Variants in GLT1D1 observed in about 807,000 individuals in gnomAD.
The protein encoded by GLT1D1 is glycosyltransferase 1 domain containing 1.
In GLT1D1, 21 loss-of-function variants were observed where a neutral mutation model predicts 28.7. The observed-to-expected ratio is 0.73, with a 90% CI of 0.52 to 1.05. GLT1D1 has a LOEUF of 1.05. Ranked by LOEUF, GLT1D1 falls within the 50% of genes least tolerant of loss-of-function variation. The probability of loss-of-function intolerance (pLI) is 0.00; values close to 1 mark genes in which losing one functional copy is unlikely to be tolerated. For missense variants in GLT1D1, 343 were observed against 330.6 expected, an observed-to-expected ratio of 1.04 and a Z score of -0.29; for synonymous variants, 147 against 124.8, an observed-to-expected ratio of 1.18 and a Z score of -1.19.
chr12:128,945,296 C>A (rs749610147), intron 4 of GLT1D1, 30 bp from the exon 9 acceptor site: 1 of 1,612,992 alleles, frequency 6.2e-7, no homozygotes, highest in Non-Finnish European at 8.5e-7. Flanking sequence ...CAGGCGGCGA[C>A]CGCTGACATT....
At chr12:128,886,870 C>T (rs190503251) in intron 2 of GLT1D1, among the ~76,000 whole-genome samples, 7 of 152,194 alleles carry the variant, frequency 4.6e-5, no homozygotes, top group Admixed American at 4.6e-4. Flanking sequence ...CTCCCAAAGC[C>T]TAAACCCCTG....
intron 7 of GLT1D1, among the ~76,000 whole-genome samples, chr12:128,961,760 T>C (rs770952904): frequency 6.6e-6 from 1 of 152,104 alleles, no homozygotes; most frequent in African/African-American, 2.4e-5. Flanking sequence ...CAAATGCTAA[T>C]CTCTTCCAGA....
At chr12:128,920,524 A>G (rs1309672791) in intron 4 of GLT1D1, among the ~76,000 whole-genome samples, 1 of 152,236 alleles carries the variant, frequency 6.6e-6, no homozygotes, top group East Asian at 1.9e-4. Flanking sequence ...ATTGCACTCC[A>G]GCCTGGACAA....
chr12:128,854,394 C>CGTGT (rs56655033), intron 1 of GLT1D1, among the ~76,000 whole-genome samples: 5,631 of 143,874 alleles, frequency 0.039, 137 homozygotes, highest in East Asian at 0.074. Flanking sequence ...TAACAGAAGC[C>CGTGT]GTGTGTGTGT....
At chr12:128,958,250 C>G (rs146105525) in intron 7 of GLT1D1, among the ~76,000 whole-genome samples, 1 of 152,158 alleles carries the variant, frequency 6.6e-6, no homozygotes, top group East Asian at 1.9e-4. Flanking sequence ...CTGCATCCGA[C>G]GCCCTGAGTG....
At chr12:128,858,040 G>T (rs1411179154) in intron 1 of GLT1D1, among the ~76,000 whole-genome samples, 1 of 152,130 alleles carries the variant, frequency 6.6e-6, no homozygotes. Flanking sequence ...TTCATAATGA[G>T]GATGCCAATA....
In GLT1D1 at chr12:128,883,589, CAAAAAAA is replaced by C. The variant is rs202021879; in HGVS notation, c.218-5036_218-5030del. ...TGGGCGACAGAGCTAGACTCCATCT[CAAAAAAA>C]AAAAAAAAAAAAAGTAGAAGAAGCC... On this transcript the variant is annotated intron_variant, in intron 2 of 7. Transcript: ENST00000281703. Among the ~76,000 whole-genome samples the C allele has an allele frequency of 2.1e-3, 161 of 78,002 alleles. 2 individuals carry two copies. In the East Asian group the frequency reaches 0.059, roughly 28 times the overall value. The allele number at this position is 78,002 out of a possible 152,430, so 51.2% of individuals were successfully genotyped here.
chr12:128,968,028 G>A lies in GLT1D1; in HGVS notation c.639+10385G>A, dbSNP rs541469869. 1.1e-3 allele frequency among the ~76,000 whole-genome samples: 160 copies of A among 152,158 alleles called. 1 individual carries two copies. Among genetic ancestry groups the A allele is most frequent in the African/African-American group, 3.5e-3 (146 of 41,544 alleles). Reference sequence around the variant, plus strand: ...TTTGTTTTTTTTGAGACAGAGTCTCGCTCTGTCGCCCAGGCTGGAGTGCAG... The same window carrying A: ...TTTGTTTTTTTTGAGACAGAGTCTCACTCTGTCGCCCAGGCTGGAGTGCAG... On this transcript the variant is annotated intron_variant, in intron 7 of 7. Coordinates refer to ENST00000281703, the MANE Select transcript of GLT1D1 (RefSeq NM_144669.3).
intron 4 of GLT1D1, among the ~76,000 whole-genome samples, chr12:128,931,787 CCT>C (rs1347988623): frequency 1.3e-5 from 2 of 152,158 alleles, no homozygotes; most frequent in African/African-American, 2.4e-5. Flanking sequence ...CCAGAGGCCT[CCT>C]CTTTTTATTT....
At chr12:128,936,849 A>C (rs1023234153) in intron 4 of GLT1D1, among the ~76,000 whole-genome samples, 1 of 152,174 alleles carries the variant, frequency 6.6e-6, no homozygotes, top group Non-Finnish European at 1.5e-5. Flanking sequence ...ATTTCATGAC[A>C]TGTGCTTTCA....
intron 1 of GLT1D1, among the ~76,000 whole-genome samples, chr12:128,861,681 G>A (rs1028372319): frequency 6.6e-6 from 1 of 152,144 alleles, no homozygotes; most frequent in Non-Finnish European, 1.5e-5. Flanking sequence ...TGTGTTTGTC[G>A]GAATGGGAAG....
chr12:128,932,787 G>A (rs557741762), intron 4 of GLT1D1, among the ~76,000 whole-genome samples: 37 of 151,848 alleles, frequency 2.4e-4, no homozygotes, highest in African/African-American at 8.7e-4. Context: ...CACGACCCTG[G>A]TTTAAGATCC....
chr12:128,952,544 C>T (rs7956004), intron 6 of GLT1D1, among the ~76,000 whole-genome samples: 1,979 of 151,244 alleles, frequency 0.013, 39 homozygotes, highest in African/African-American at 0.045. Flanking sequence ...TCGGCTCACC[C>T]CAACCTCCAC....
At chr12:128,906,470 A>G (rs1870880955) in intron 4 of GLT1D1, among the ~76,000 whole-genome samples, 1 of 152,232 alleles carries the variant, frequency 6.6e-6, no homozygotes, top group Non-Finnish European at 1.5e-5. Context: ...ATATGTCTCC[A>G]TTGGGCTCAA....
chr12:128,895,527 A>C (rs1869529441), intron 3 of GLT1D1, among the ~76,000 whole-genome samples: 1 of 148,480 alleles, frequency 6.7e-6, no homozygotes, highest in African/African-American at 2.5e-5. Flanking sequence ...CACAATCTTG[A>C]CTCATCGCAA....
At chr12:128,930,867 C>T (rs1191742897) in intron 4 of GLT1D1, among the ~76,000 whole-genome samples, 2 of 152,154 alleles carry the variant, frequency 1.3e-5, no homozygotes, top group African/African-American at 2.4e-5. Context: ...GAGCAGGTGC[C>T]ATTTGTTTCT....
chr12:128,941,513 C>T (rs1011108257), intron 4 of GLT1D1, among the ~76,000 whole-genome samples: 2 of 151,916 alleles, frequency 1.3e-5, no homozygotes, highest in Non-Finnish European at 2.9e-5. Flanking sequence ...GGCTCCTAAC[C>T]AGAGTCTATA....
rs556033495 is a variant in GLT1D1 at position 128,950,971 on chromosome 12, C to T, written c.540+3513C>T. On this transcript the variant is annotated intron_variant, in intron 6 of 7. Transcript: ENST00000281703. The stretch of plus-strand genomic sequence containing the variant: ...AAAAGATCTGTATTGCACGTCATGG[C>T]GACTACAGTTAATAACGATATCCTT... Among the ~76,000 whole-genome samples, 82 of 152,228 alleles carry T rather than the reference C, an allele frequency of 5.4e-4. 1 individual carries two copies. Among genetic ancestry groups the T allele is most frequent in the Admixed American group, 3.5e-3 (54 of 15,286 alleles).
At chr12:128,875,812 CAACAACAACCA>C in intron 1 of GLT1D1, 91 bp from the exon 2 acceptor site, 1 of 1,131,464 alleles carries the variant, frequency 8.8e-7, no homozygotes, top group Non-Finnish European at 1.3e-6. Flanking sequence ...ACAACAACAA[CAACAACAACCA>C]AAAAAAAAAA....
Sources: allele counts gnomAD v4.1 joint callset (sites outside exome capture counted in the v4.1 genomes callset), GRCh38; gene constraint gnomAD v4.1.1; transcripts MANE v1.5; gene names NCBI Gene and HGNC (gene_info 2026-07-23, HGNC 2026-07-21).